The following NTRK2 variants were observed in gnomAD, a reference collection of about 807,000 sequenced individuals.
The protein encoded by NTRK2 is neurotrophic receptor tyrosine kinase 2, also known as BDNF/NT-3 growth factors receptor.
Under a neutral mutation model 94.5 loss-of-function variants are expected in NTRK2, and 13 were observed. That is an observed-to-expected ratio of 0.14 (90% CI 0.09 to 0.22). The LOEUF (loss-of-function observed/expected upper bound fraction) is 0.22. Among genes scored for constraint, NTRK2 ranks in the 10% least tolerant of loss-of-function variants. NTRK2 has a pLI of 1.00. For missense variants in NTRK2, 639 were observed against 1,071.2 expected (o/e 0.60, Z 5.63); for synonymous variants, 372 against 407.4 (o/e 0.91, Z 1.05).
intron 2 of NTRK2, among the ~76,000 whole-genome samples, chr9:84,697,962 CTTTCTT>C (rs2131631563): frequency 6.6e-6 from 1 of 152,194 alleles, no homozygotes; most frequent in East Asian, 1.9e-4. Context: ...CTTGCTGTCT[CTTTCTT>C]TTCTTTTTTC....
At chr9:84,774,281 G>C (rs1395765508) in intron 12 of NTRK2, among the ~76,000 whole-genome samples, 12 of 152,162 alleles carry the variant, frequency 7.9e-5, no homozygotes, top group Non-Finnish European at 1.8e-4. Context: ...TTGTCTCCAA[G>C]AGTGGTTTTC....
chr9:84,909,433 C>A (rs1396726726), intron 14 of NTRK2, among the ~76,000 whole-genome samples: 6 of 151,658 alleles, frequency 4.0e-5, no homozygotes, highest in Admixed American at 6.6e-5. Flanking sequence ...GGATAAGTGC[C>A]CAGGAGTGCA....
chr9:84,904,670 A>G (rs1346703954), intron 14 of NTRK2, among the ~76,000 whole-genome samples: 1 of 152,202 alleles, frequency 6.6e-6, no homozygotes, highest in Non-Finnish European at 1.5e-5. Flanking sequence ...CATATTACAT[A>G]TGCTTGTTGA....
chr9:84,706,332 A>G (rs1223813165), intron 4 of NTRK2, among the ~76,000 whole-genome samples: 2 of 151,994 alleles, frequency 1.3e-5, no homozygotes, highest in African/African-American at 4.8e-5. Context: ...CCAGAGTGGT[A>G]GGTTCTTTCT....
At chr9:84,850,861 C>T (rs2074731722) in intron 12 of NTRK2, among the ~76,000 whole-genome samples, 1 of 152,132 alleles carries the variant, frequency 6.6e-6, no homozygotes, top group African/African-American at 2.4e-5. Flanking sequence ...GGGCTGGCAG[C>T]CAGGTCACTA....
At chr9:84,921,713 A>G (rs7869776) in intron 14 of NTRK2, among the ~76,000 whole-genome samples, 6,795 of 152,316 alleles carry the variant, frequency 0.045, 227 homozygotes, top group African/African-American at 0.087. Flanking sequence ...ATGAAAAATA[A>G]TGCAACTCCC....
At chr9:85,017,878 A>G (rs985086325) in intron 17 of NTRK2, among the ~76,000 whole-genome samples, 2 of 152,240 alleles carry the variant, frequency 1.3e-5, no homozygotes, top group Admixed American at 6.5e-5. Flanking sequence ...TGGTTGCACC[A>G]TAGCACTATG....
At chr9:84,810,881 T>C (rs908041654) in intron 12 of NTRK2, 2 of 1,255,138 alleles carry the variant, frequency 1.6e-6, no homozygotes, top group African/African-American at 3.0e-5. Flanking sequence ...TGAAATGAAA[T>C]CCCATTGGAT....
intron 12 of NTRK2, chr9:84,811,290 A>C: frequency 2.8e-6 from 3 of 1,066,192 alleles, no homozygotes; most frequent in Non-Finnish European, 3.4e-6. Context: ...ACAAAACAAA[A>C]CAAAACAAAC....
intron 14 of NTRK2, chr9:84,872,754 G>A (rs1213072932): frequency 9.4e-7 from 1 of 1,064,662 alleles, no homozygotes; most frequent in Non-Finnish European, 1.1e-6. Context: ...TTTCCTAGTG[G>A]TTACATGCTT....
At chr9:84,731,126 A>G (rs1224769657) in intron 9 of NTRK2, among the ~76,000 whole-genome samples, 2 of 152,060 alleles carry the variant, frequency 1.3e-5, no homozygotes, top group Non-Finnish European at 2.9e-5. Flanking sequence ...GCGTATGTGC[A>G]CCTCATTCAG....
rs200548020 is a variant in NTRK2, at chr9:84,877,117, C to T, written c.1633+9686C>T. The T allele has an allele frequency of 1.7e-5, 18 of 1,064,586 alleles. 1 individual carries two copies. Among genetic ancestry groups the T allele is most frequent in the Middle Eastern group, 4.1e-4 (1 of 2,420 alleles). 65.9% of individuals were successfully genotyped at this position (1,064,586 alleles called of 1,614,324 possible). On this transcript the variant is annotated intron_variant, in intron 14 of 18. Transcript: ENST00000277120. ...CCTGAATCAATCACACTTTCCTTCT[C>T]GGATTGTGTATATGCTCTGCCACTT...
Position 84,738,128 on chromosome 9 carries a change from C to T in NTRK2, c.1160-3764C>T, listed in dbSNP as rs1174745573. The stretch of plus-strand genomic sequence containing the variant: ...GGATTTCAATATTTTATTCCACTGT[C>T]TCCCAACATGAAGATTTAAGGCTTG... On this transcript the variant is annotated intron_variant, in intron 9 of 18. Transcript: ENST00000277120. 2.6e-5 allele frequency among the ~76,000 whole-genome samples: 4 copies of T among 151,266 alleles called. 1 individual carries two copies. The highest frequency in any genetic ancestry group is 2.6e-4 in the Admixed American group (4 of 15,252).
chr9:84,893,339 A>C (rs2076651349), intron 14 of NTRK2, among the ~76,000 whole-genome samples: 1 of 152,188 alleles, frequency 6.6e-6, no homozygotes, highest in Non-Finnish European at 1.5e-5. Flanking sequence ...ATCTGAAATC[A>C]TGTAAGTGCA....
intron 11 of NTRK2, among the ~76,000 whole-genome samples, chr9:84,750,791 G>GA (rs1189358446): frequency 6.6e-6 from 1 of 152,196 alleles, no homozygotes; most frequent in Non-Finnish European, 1.5e-5. Flanking sequence ...ACTTTGGGCT[G>GA]AGTAAGACTG....
chr9:84,951,324 A>G (rs2078775770), intron 16 of NTRK2, among the ~76,000 whole-genome samples: 2 of 152,176 alleles, frequency 1.3e-5, no homozygotes, highest in African/African-American at 4.8e-5. Flanking sequence ...ACTTTTGAAC[A>G]TTGTCTTGTC....
intron 12 of NTRK2, among the ~76,000 whole-genome samples, chr9:84,786,893 TAAA>T (rs2068170471): frequency 6.6e-6 from 1 of 152,220 alleles, no homozygotes; most frequent in South Asian, 2.1e-4. Context: ...TTCATCTTTT[TAAA>T]TTGACATTTT....
intron 12 of NTRK2, among the ~76,000 whole-genome samples, chr9:84,806,280 G>T (rs1249299191): frequency 6.6e-6 from 1 of 152,214 alleles, no homozygotes; most frequent in Non-Finnish European, 1.5e-5. Context: ...TTAGAGGAGG[G>T]TGAAGTAGGT....
At chr9:84,937,371 A>AAATAGCACACACAC (rs2078246659) in intron 15 of NTRK2, among the ~76,000 whole-genome samples, 6 of 152,174 alleles carry the variant, frequency 3.9e-5, no homozygotes, top group Admixed American at 3.9e-4. Context: ...CCTTCTCTAG[A>AAATAGCACACACAC]AGGAGCTGAC....
Sources: allele counts gnomAD v4.1 joint callset (sites outside exome capture counted in the v4.1 genomes callset), GRCh38; gene constraint gnomAD v4.1.1; transcripts MANE v1.5; gene names NCBI Gene and HGNC (gene_info 2026-07-23, HGNC 2026-07-21).